Variants in KCNAB1 observed in about 807,000 individuals in gnomAD.
The protein encoded by KCNAB1 is potassium voltage-gated channel subfamily A regulatory beta subunit 1, also known as voltage-gated potassium channel subunit beta-1.
A neutral mutation model predicts 64.6 loss-of-function variants in KCNAB1; 35 were observed. The ratio of observed to expected loss-of-function variants is 0.54; its 90% CI spans 0.41 to 0.72. The LOEUF is 0.72. Among genes scored for constraint, KCNAB1 ranks in the 30% least tolerant of loss-of-function variants. The probability of loss-of-function intolerance (pLI) is 0.00; values close to 1 mark genes in which losing one functional copy is unlikely to be tolerated. For synonymous variants in KCNAB1, 177 were observed against 183.8 expected, an observed-to-expected ratio of 0.96 and a Z score of 0.30; for missense variants, 401 against 512.9, an observed-to-expected ratio of 0.78 and a Z score of 2.11.
At chr3:156,274,746 C>T (rs536603020) in intron 1 of KCNAB1, among the ~76,000 whole-genome samples, 74 of 152,194 alleles carry the variant, frequency 4.9e-4, no homozygotes, top group African/African-American at 1.7e-3. Flanking sequence ...AGTAAAATTA[C>T]GTACATTTAA....
At chr3:156,395,564 A>C (rs1352899068) in intron 1 of KCNAB1, among the ~76,000 whole-genome samples, 2 of 124,474 alleles carry the variant, frequency 1.6e-5, no homozygotes, top group African/African-American at 7.7e-5. Context: ...AAAAAAAAAA[A>C]AAAAAAAAAA....
intron 1 of KCNAB1, among the ~76,000 whole-genome samples, chr3:156,317,301 A>C (rs1033866499): frequency 6.6e-6 from 1 of 152,214 alleles, no homozygotes; most frequent in Non-Finnish European, 1.5e-5. Context: ...AGTGTAATTA[A>C]GATTATGTCA....
intron 1 of KCNAB1, among the ~76,000 whole-genome samples, chr3:156,296,537 C>A (rs919576256): frequency 6.8e-6 from 1 of 147,784 alleles, no homozygotes; most frequent in African/African-American, 2.5e-5. Context: ...GCAGTGGCGC[C>A]GTCTCAGCTC....
At chr3:156,324,575 GCTCACT>G (rs1722855346) in intron 1 of KCNAB1, among the ~76,000 whole-genome samples, 1 of 152,090 alleles carries the variant, frequency 6.6e-6, no homozygotes, top group Non-Finnish European at 1.5e-5. Context: ...GATGCCACAC[GCTCACT>G]TGACTGATGG....
At chr3:156,330,783 T>C (rs946729159) in intron 1 of KCNAB1, among the ~76,000 whole-genome samples, 6 of 152,202 alleles carry the variant, frequency 3.9e-5, no homozygotes, top group Non-Finnish European at 7.3e-5. Context: ...TTTTGTCTTT[T>C]AGTGCTTTTG....
intron 1 of KCNAB1, among the ~76,000 whole-genome samples, chr3:156,316,482 A>G (rs918141081): frequency 1.3e-5 from 2 of 152,258 alleles, no homozygotes; most frequent in African/African-American, 2.4e-5. Context: ...GTAGTTTTCA[A>G]TCTATAAAAT....
intron 1 of KCNAB1, among the ~76,000 whole-genome samples, chr3:156,127,156 A>C (rs1230217147): frequency 6.6e-6 from 1 of 152,200 alleles, no homozygotes; most frequent in South Asian, 2.1e-4. Flanking sequence ...ACATTCCTGG[A>C]ACATAGTGGA....
chr3:156,140,654 T>TA (rs1714654545), intron 1 of KCNAB1, among the ~76,000 whole-genome samples: 1 of 152,078 alleles, frequency 6.6e-6, no homozygotes, highest in African/African-American at 2.4e-5. Flanking sequence ...TACATAACAC[T>TA]AAAAAAATTC....
At chr3:156,348,052 A>C (rs1724600435) in intron 1 of KCNAB1, among the ~76,000 whole-genome samples, 1 of 152,196 alleles carries the variant, frequency 6.6e-6, no homozygotes, top group Non-Finnish European at 1.5e-5. Flanking sequence ...AGCAAACAAA[A>C]ACAGACATAA....
At chr3:156,463,080 A>T (rs1158891553) in intron 5 of KCNAB1, among the ~76,000 whole-genome samples, 3 of 151,996 alleles carry the variant, frequency 2.0e-5, no homozygotes, top group Non-Finnish European at 4.4e-5. Context: ...ACTCAAAGAC[A>T]TTTTTTTCCT....
At chr3:156,522,600 G>C (rs1005660249) in intron 11 of KCNAB1, among the ~76,000 whole-genome samples, 1 of 152,130 alleles carries the variant, frequency 6.6e-6, no homozygotes, top group African/African-American at 2.4e-5. Context: ...GACAAAACTG[G>C]GGCGGCTTGC....
At chr3:156,336,325 G>A (rs986346724) in intron 1 of KCNAB1, among the ~76,000 whole-genome samples, 4 of 152,144 alleles carry the variant, frequency 2.6e-5, no homozygotes, top group African/African-American at 9.7e-5. Flanking sequence ...TCGTACCACT[G>A]CACTCCAGCC....
chr3:156,336,529 C>T (rs1186858068), intron 1 of KCNAB1, among the ~76,000 whole-genome samples: 5 of 152,164 alleles, frequency 3.3e-5, no homozygotes, highest in African/African-American at 7.2e-5. Flanking sequence ...TAATTTTGAC[C>T]GTCCTTGAAT....
At chr3:156,394,216 GA>G (rs1207708781) in intron 1 of KCNAB1, among the ~76,000 whole-genome samples, 3 of 152,180 alleles carry the variant, frequency 2.0e-5, no homozygotes, top group African/African-American at 7.2e-5. Flanking sequence ...GAGAAACCTG[GA>G]AATACAAACT....
At chr3:156,197,164 G>T (rs1209833273) in intron 1 of KCNAB1, among the ~76,000 whole-genome samples, 1 of 152,188 alleles carries the variant, frequency 6.6e-6, no homozygotes, top group Non-Finnish European at 1.5e-5. Flanking sequence ...ACTTGATCGT[G>T]ATGGATAAAC....
At chr3:156,538,921 C>CTT (rs909660013), downstream of KCNAB1, 4 of 152,220 alleles carry the variant, frequency 2.6e-5, no homozygotes, top group African/African-American at 9.6e-5. Context: ...TAAAAACTTA[C>CTT]TTGCAAATCA....
At chr3:156,335,853 G>GTTTTTTTT (rs4056366) in intron 1 of KCNAB1, among the ~76,000 whole-genome samples, 6 of 135,304 alleles carry the variant, frequency 4.4e-5, no homozygotes, top group African/African-American at 1.6e-4. Context: ...AATTGTTTGG[G>GTTTTTTTT]TTTTTTTTTT....
intron 1 of KCNAB1, among the ~76,000 whole-genome samples, chr3:156,404,635 G>A (rs755068821): frequency 3.3e-5 from 5 of 152,146 alleles, no homozygotes; most frequent in Non-Finnish European, 5.9e-5. Flanking sequence ...TTTTATACAC[G>A]AAGACACCAG....
intron 1 of KCNAB1, among the ~76,000 whole-genome samples, chr3:156,272,116 C>T (rs990195304): frequency 1.6e-4 from 25 of 152,228 alleles, no homozygotes; most frequent in Non-Finnish European, 2.6e-4. Context: ...CCAGCACCCC[C>T]GTGGCTACCA....
Sources: allele counts gnomAD v4.1 joint callset (sites outside exome capture counted in the v4.1 genomes callset), GRCh38; gene constraint gnomAD v4.1.1; transcripts MANE v1.5; gene names NCBI Gene and HGNC (gene_info 2026-07-23, HGNC 2026-07-21).